The following FRMD5 variants were observed in gnomAD, a reference collection of about 807,000 sequenced individuals.
The protein encoded by FRMD5 is FERM domain-containing protein 5.
A neutral mutation model predicts 69.0 loss-of-function variants in FRMD5; 20 were observed. The observed-to-expected ratio is 0.29, with a 90% CI of 0.20 to 0.42. The LOEUF (loss-of-function observed/expected upper bound fraction) is 0.42, where lower values mean the gene tolerates loss of function less well. Ranked by LOEUF, FRMD5 falls within the 10% of genes least tolerant of loss-of-function variation. FRMD5 has a pLI of 1.00. For missense variants in FRMD5, 595 were observed against 708.6 expected (o/e 0.84, Z 1.82); for synonymous variants, 271 against 260.1 (o/e 1.04, Z -0.40).
rs533928463 is a variant in FRMD5 at position 44,049,925 on chromosome 15, T to C, written c.103-125616A>G. On this transcript the variant is annotated intron_variant, in intron 1 of 13. Transcript: ENST00000417257. ...ATTGGAAAGTTATAACCCTCTACTT[T>C]ATGATTTAGTTGTTTATAAACATGT... 3.3e-5 allele frequency among the ~76,000 whole-genome samples: 5 copies of C among 152,338 alleles called. No homozygotes were observed. The South Asian group carries it at 1.0e-3, about 32-fold the overall frequency.
At chr15:44,117,920 T>A (rs1460113336) in intron 1 of FRMD5, among the ~76,000 whole-genome samples, 1 of 152,046 alleles carries the variant, frequency 6.6e-6, no homozygotes, top group African/African-American at 2.4e-5. Flanking sequence ...CCTTTAAAGG[T>A]TTGCTTTGAG....
intron 1 of FRMD5, among the ~76,000 whole-genome samples, chr15:44,013,259 G>A (rs1595623476): frequency 6.6e-6 from 1 of 152,288 alleles, no homozygotes; most frequent in East Asian, 1.9e-4. Flanking sequence ...TGGGCGTGGT[G>A]GCATGCCCCC....
Position 43,873,608 on chromosome 15 carries a change from A to G in FRMD5, c.*277T>C, listed in dbSNP as rs1468116385. On this transcript the variant is annotated 3_prime_UTR_variant, in exon 14 of 14. Coordinates refer to ENST00000417257, the MANE Select transcript of FRMD5 (RefSeq NM_032892.5). ...ATGAAAAATCAAAATTCAAAACCAA[A>G]AATTATCCTGCAAATTGGAAAGATG... 9.6e-6 allele frequency: 14 copies of G among 1,454,198 alleles called. No homozygotes were observed. The African/African-American group carries it at 2.0e-4, about 21-fold the overall frequency. 90.1% of individuals were successfully genotyped at this position (1,454,198 alleles called of 1,614,324 possible).
At chr15:43,875,218 G>A (rs967061374) in intron 13 of FRMD5, among the ~76,000 whole-genome samples, 35 of 151,882 alleles carry the variant, frequency 2.3e-4, no homozygotes, top group African/African-American at 7.7e-4. Context: ...GAAGCCAGGT[G>A]TGGTAGTGCA....
chr15:44,007,870 C>T (rs1021153823), intron 1 of FRMD5, among the ~76,000 whole-genome samples: 1 of 151,782 alleles, frequency 6.6e-6, no homozygotes, highest in African/African-American at 2.4e-5. Context: ...TCTGGAATTC[C>T]CGACCTCAGG....
At chr15:44,041,100 G>T (rs549321457) in intron 1 of FRMD5, among the ~76,000 whole-genome samples, 2 of 130,164 alleles carry the variant, frequency 1.5e-5, no homozygotes, top group East Asian at 4.8e-4. Flanking sequence ...AAGTGACAAA[G>T]AAGGGCGTTA....
intron 1 of FRMD5, among the ~76,000 whole-genome samples, chr15:43,994,891 T>C (rs751289298): frequency 3.3e-5 from 5 of 152,244 alleles, no homozygotes; most frequent in Non-Finnish European, 7.3e-5. Flanking sequence ...TTCTTTCAGC[T>C]TGAAGAACTC....
chr15:44,016,143 G>C (rs1398887145), intron 1 of FRMD5, among the ~76,000 whole-genome samples: 2 of 152,128 alleles, frequency 1.3e-5, no homozygotes, highest in African/African-American at 4.8e-5. Flanking sequence ...ATCCTCTACA[G>C]AGCAATCTAA....
chr15:43,928,133 A>G (rs1196527336), intron 1 of FRMD5, among the ~76,000 whole-genome samples: 1 of 152,106 alleles, frequency 6.6e-6, no homozygotes, highest in Non-Finnish European at 1.5e-5. Context: ...TTTTCTGGTT[A>G]CTTTTCAGCA....
intron 1 of FRMD5, among the ~76,000 whole-genome samples, chr15:44,105,707 C>T (rs553025268): frequency 3.3e-5 from 5 of 152,238 alleles, no homozygotes; most frequent in Non-Finnish European, 7.4e-5. Context: ...CTGCTTTTAG[C>T]TCTATTAGTT....
Position 44,139,298 on chromosome 15 carries a change from T to TACACACACACACACAC in FRMD5, c.102+55639_102+55654dup, listed in dbSNP as rs140679752. ...CACCATCTATAGCTCCCCCTCTCTC[T>TACACACACACACACAC]ACACACACACACACACACACACACA... On this transcript the variant is annotated intron_variant, in intron 1 of 13. Coordinates refer to ENST00000417257, the MANE Select transcript of FRMD5 (RefSeq NM_032892.5). Among the ~76,000 whole-genome samples, 94 of 143,760 alleles carry TACACACACACACACAC rather than the reference T, an allele frequency of 6.5e-4. 1 individual carries two copies. The highest frequency in any genetic ancestry group is 2.3e-3 in the African/African-American group (92 of 39,442). 94.3% of individuals were successfully genotyped at this position (143,760 alleles called of 152,430 possible). A position where few individuals can be genotyped will look rare whatever the true frequency, so the allele number is the denominator to read the frequency against.
chr15:44,034,071 T>C (rs1195148755), intron 1 of FRMD5, among the ~76,000 whole-genome samples: 2 of 152,174 alleles, frequency 1.3e-5, no homozygotes, highest in East Asian at 1.9e-4. Flanking sequence ...CCCAGTCACA[T>C]GGGGTTCTGG....
chr15:44,007,637 A>ATTTTTTTTTTTTTTTTTTTTTTTTTTTTT (rs35512441), intron 1 of FRMD5, among the ~76,000 whole-genome samples: 3 of 81,146 alleles, frequency 3.7e-5, no homozygotes, highest in East Asian at 8.0e-4. Flanking sequence ...TAATTAACTA[A>ATTTTTTTTTTTTTTTTTTTTTTTTTTTTT]TTTTTTTTTT....
At chr15:44,180,306 TAATC>T (rs2077975230) in intron 1 of FRMD5, among the ~76,000 whole-genome samples, 1 of 152,160 alleles carries the variant, frequency 6.6e-6, no homozygotes, top group Non-Finnish European at 1.5e-5. Context: ...AATAATTTTT[TAATC>T]AATTAACATA....
At chr15:43,961,757 A>G (rs1465102720) in intron 1 of FRMD5, among the ~76,000 whole-genome samples, 2 of 152,224 alleles carry the variant, frequency 1.3e-5, no homozygotes, top group Non-Finnish European at 2.9e-5. Context: ...AACATATGAA[A>G]ATCAATAAAC....
chr15:43,966,185 A>G (rs1326150931), intron 1 of FRMD5, among the ~76,000 whole-genome samples: 1 of 151,794 alleles, frequency 6.6e-6, no homozygotes, highest in Non-Finnish European at 1.5e-5. Flanking sequence ...AGCCTGACCA[A>G]CGTGGTGAAA....
intron 1 of FRMD5, among the ~76,000 whole-genome samples, chr15:44,167,177 G>C (rs1011002447): frequency 6.6e-6 from 1 of 152,026 alleles, no homozygotes; most frequent in Non-Finnish European, 1.5e-5. Flanking sequence ...TTCAAGCCTG[G>C]GCAATGTAGT....
chr15:43,946,691 TGAAA>T (rs1282268900), intron 1 of FRMD5, among the ~76,000 whole-genome samples: 1 of 152,172 alleles, frequency 6.6e-6, no homozygotes, highest in Non-Finnish European at 1.5e-5. Flanking sequence ...AGAAGTTTAA[TGAAA>T]GAGTTCTGCT....
At chr15:44,169,793 T>A (rs900012958) in intron 1 of FRMD5, among the ~76,000 whole-genome samples, 2 of 152,194 alleles carry the variant, frequency 1.3e-5, no homozygotes, top group African/African-American at 4.8e-5. Context: ...TACCTGAATA[T>A]ACTTTTTAAA....
Sources: allele counts gnomAD v4.1 joint callset (sites outside exome capture counted in the v4.1 genomes callset), GRCh38; gene constraint gnomAD v4.1.1; transcripts MANE v1.5; gene names NCBI Gene and HGNC (gene_info 2026-07-23, HGNC 2026-07-21).